The following ECM2 variants were observed in gnomAD, a reference collection of about 807,000 sequenced individuals.
ECM2 encodes the protein extracellular matrix protein 2, female organ and adipocyte specific.
ECM2 carries 57 observed loss-of-function variants against 67.5 expected under a neutral mutation model. The ratio of observed to expected loss-of-function variants is 0.84; its 90% CI spans 0.68 to 1.05. The LOEUF (loss-of-function observed/expected upper bound fraction) is 1.05. Ranked by LOEUF, ECM2 falls within the 50% of genes least tolerant of loss-of-function variation. ECM2 has a pLI of 0.00. For missense variants in ECM2, 741 were observed against 822.8 expected, an observed-to-expected ratio of 0.90 and a Z score of 1.22; for synonymous variants, 258 against 294.5, an observed-to-expected ratio of 0.88 and a Z score of 1.27.
In ECM2 at chr9:92,517,733, T is replaced by C. The variant is rs201771443; in HGVS notation, c.435A>G (p.Gln145=). ...AGCATTCCCCTTCAGGTATAACTGTTTGGGGGCACCTCTGGGGATGGCACA... is the reference window on the plus strand; with the variant it reads ...AGCATTCCCCTTCAGGTATAACTGTCTGGGGGCACCTCTGGGGATGGCACA... ...ETMCHPQRCP[Q]TVIPEGECCP... The change falls in exon 3 of 10, where the codon CAA becomes CAG. Residue 145 remains glutamine (Q), a synonymous_variant. Coordinates refer to ENST00000344604, the MANE Select transcript of ECM2 (RefSeq NM_001393.4). 6.2e-7 allele frequency: 1 copy of C among 1,614,126 alleles called. No homozygotes were observed. Among genetic ancestry groups the C allele is most frequent in the East Asian group, 2.2e-5 (1 of 44,882 alleles).
At chr9:92,509,181 T>A (rs1312934641) in intron 6 of ECM2, among the ~76,000 whole-genome samples, 1 of 151,768 alleles carries the variant, frequency 6.6e-6, no homozygotes, top group East Asian at 1.9e-4. Flanking sequence ...AGCTAGGCCA[T>A]GGTGGGAGCC....
At chr9:92,542,880 TTG>T in the ECM2 span, among the ~76,000 whole-genome samples, 1 of 152,218 alleles carries the variant, frequency 6.6e-6, no homozygotes, top group East Asian at 1.9e-4. Context: ...CTATTTTGAG[TTG>T]ATTTCTGTTT....
chr9:92,548,955 A>G, the ECM2 span, among the ~76,000 whole-genome samples: 7 of 152,340 alleles, frequency 4.6e-5, no homozygotes, highest in East Asian at 1.3e-3. Flanking sequence ...CTGAAGAAGA[A>G]CAAGGCTATA....
intron 9 of ECM2, among the ~76,000 whole-genome samples, chr9:92,496,793 A>G (rs1846369637): frequency 6.6e-6 from 1 of 152,220 alleles, no homozygotes; most frequent in Non-Finnish European, 1.5e-5. Flanking sequence ...GTTAAACAAC[A>G]TGACAAAGAA....
the ECM2 span, among the ~76,000 whole-genome samples, chr9:92,549,563 C>T: frequency 6.6e-6 from 1 of 151,110 alleles, no homozygotes; most frequent in Non-Finnish European, 1.5e-5. Context: ...AGGACAATCA[C>T]TTGAACCTGG....
the ECM2 span, among the ~76,000 whole-genome samples, chr9:92,545,995 G>A: frequency 6.6e-6 from 1 of 152,006 alleles, no homozygotes; most frequent in Non-Finnish European, 1.5e-5. Context: ...AGCACCTTGT[G>A]TCTAGCTCAG....
intron 2 of ECM2, among the ~76,000 whole-genome samples, chr9:92,518,899 T>G (rs898578651): frequency 2.0e-5 from 3 of 152,026 alleles, no homozygotes; most frequent in Non-Finnish European, 4.4e-5. Context: ...AATAAATAAA[T>G]AAACAAATAA....
At chr9:92,554,812 T>A in the ECM2 span, among the ~76,000 whole-genome samples, 2 of 151,112 alleles carry the variant, frequency 1.3e-5, no homozygotes, top group South Asian at 4.2e-4. Flanking sequence ...TTATTTTTGG[T>A]TTTTTAGTAG....
At chr9:92,506,385 A>AT (rs143737796) in intron 6 of ECM2, among the ~76,000 whole-genome samples, 4,955 of 152,060 alleles carry the variant, frequency 0.033, 131 homozygotes, top group South Asian at 0.084. Context: ...ATACAAACAA[A>AT]TTTTTTCTAC....
In ECM2 at chr9:92,495,765, C is replaced by T. The variant is rs754417628; in HGVS notation, c.*550G>A. 9.3e-5 allele frequency: 88 copies of T among 942,224 alleles called. No homozygotes were observed. Among genetic ancestry groups the T allele is most frequent in the Non-Finnish European group, 1.0e-4 (82 of 790,892 alleles). 58.4% of individuals were successfully genotyped at this position (942,224 alleles called of 1,614,324 possible). ...ATTACAGTAGTGTTTTAATTTTACACATGTAATTAATGGAAGAAATGAAAG... is the reference window on the plus strand; with the variant it reads ...ATTACAGTAGTGTTTTAATTTTACATATGTAATTAATGGAAGAAATGAAAG... On this transcript the variant is annotated 3_prime_UTR_variant, in exon 10 of 10. Coordinates refer to ENST00000344604, the MANE Select transcript of ECM2 (RefSeq NM_001393.4).
In ECM2 at chr9:92,502,567, C is replaced by T. The variant is rs372302066; in HGVS notation, c.1550G>A (p.Arg517His). ...CCTATTTTCTTCAATTTTGTTATAA[C>T]GTAGTACAATGACATTGATCTTTCT... is the stretch of plus-strand genomic sequence containing the variant. ...HTRKINVIVL[R>H]YNKIEENRIA... The change falls in exon 8 of 10, where the codon CGT becomes CAT. Residue 517 changes from arginine (R) to histidine (H), a missense_variant. Transcript: ENST00000344604. 1.4e-5 allele frequency: 22 copies of T among 1,612,174 alleles called. No homozygotes were observed. The highest frequency in any genetic ancestry group is 6.7e-5 in the African/African-American group (5 of 74,828).
chr9:92,525,906 A>AG, intron 1 of ECM2, among the ~76,000 whole-genome samples: 1 of 151,606 alleles, frequency 6.6e-6, no homozygotes, highest in East Asian at 1.9e-4. Flanking sequence ...AAAAAAAAAA[A>AG]AAAAAAAAAG....
At chr9:92,507,550 A>T (rs1847079890) in intron 6 of ECM2, among the ~76,000 whole-genome samples, 1 of 152,196 alleles carries the variant, frequency 6.6e-6, no homozygotes, top group Admixed American at 6.5e-5. Flanking sequence ...CTTGAGGTGG[A>T]TGTTGAAAGG....
At chr9:92,496,536 T>A in intron 9 of ECM2, 53 bp from the exon 10 acceptor site, 1 of 1,567,450 alleles carries the variant, frequency 6.4e-7, no homozygotes, top group Non-Finnish European at 8.6e-7. Context: ...TAATCTGCCT[T>A]TAGGAGTTAA....
chr9:92,539,809 A>G (rs1376683374), upstream of ECM2, among the ~76,000 whole-genome samples: 2 of 152,176 alleles, frequency 1.3e-5, no homozygotes, highest in Non-Finnish European at 2.9e-5. Flanking sequence ...TAAGTGGAGT[A>G]ATGATATATA....
chr9:92,509,488 A>T (rs1847207528), intron 6 of ECM2, among the ~76,000 whole-genome samples: 1 of 152,226 alleles, frequency 6.6e-6, no homozygotes, highest in African/African-American at 2.4e-5. Flanking sequence ...GTTGACCATC[A>T]GAGTGATAAA....
At chr9:92,542,208 G>A in the ECM2 span, among the ~76,000 whole-genome samples, 1 of 152,172 alleles carries the variant, frequency 6.6e-6, no homozygotes, top group Non-Finnish European at 1.5e-5. Flanking sequence ...CTTAAAGGGA[G>A]ATGTATTCTC....
At chr9:92,508,811 T>C (rs1847163691) in intron 6 of ECM2, among the ~76,000 whole-genome samples, 1 of 152,138 alleles carries the variant, frequency 6.6e-6, no homozygotes, top group Admixed American at 6.6e-5. Context: ...CAGGAAATAA[T>C]TGAATTGTTT....
At chr9:92,552,044 TATAGGTCTATCATATATGTGATATG>T in the ECM2 span, among the ~76,000 whole-genome samples, 2 of 65,646 alleles carry the variant, frequency 3.0e-5, no homozygotes, top group Non-Finnish European at 5.5e-5. Context: ...TATGTGATAT[TATAGGTCTATCATATATGTGATATG>T]ATAGATCTAT....
Sources: allele counts gnomAD v4.1 joint callset (sites outside exome capture counted in the v4.1 genomes callset), GRCh38; gene constraint gnomAD v4.1.1; transcripts MANE v1.5; gene names NCBI Gene and HGNC (gene_info 2026-07-23, HGNC 2026-07-21).